PHACTR1: variants seen among roughly 807,000 people sequenced by gnomAD.
PHACTR1 encodes the protein RPEL repeat containing 1.
Under a neutral mutation model 69.2 loss-of-function variants are expected in PHACTR1, and 16 were observed. The ratio of observed to expected loss-of-function variants is 0.23; its 90% CI spans 0.16 to 0.35. The LOEUF is 0.35. Ranked by LOEUF, PHACTR1 falls within the 10% of genes least tolerant of loss-of-function variation. The pLI, the probability that PHACTR1 is intolerant of heterozygous loss-of-function variation, is 1.00. For synonymous variants in PHACTR1, 312 were observed against 284.5 expected (o/e 1.10, Z -0.97); for missense variants, 510 against 734.7 (o/e 0.69, Z 3.54).
At chr6:12,998,525 G>A (rs1054875920) in intron 4 of PHACTR1, among the ~76,000 whole-genome samples, 1 of 151,298 alleles carries the variant, frequency 6.6e-6, no homozygotes, top group African/African-American at 2.4e-5. Flanking sequence ...GCTGAGGCAA[G>A]AGGTTGTCTG....
chr6:13,166,167 C>T (rs1342449643), intron 6 of PHACTR1, among the ~76,000 whole-genome samples: 1 of 152,178 alleles, frequency 6.6e-6, no homozygotes. Context: ...TCTTTCCAGC[C>T]TTGGCTGAGG....
At chr6:12,806,285 T>A (rs748684185) in intron 4 of PHACTR1, among the ~76,000 whole-genome samples, 7 of 152,204 alleles carry the variant, frequency 4.6e-5, no homozygotes, top group Non-Finnish European at 8.8e-5. Context: ...ATCAGCACCA[T>A]CTTTGTCATC....
chr6:13,171,828 G>A (rs752840995), intron 6 of PHACTR1, among the ~76,000 whole-genome samples: 16 of 151,998 alleles, frequency 1.1e-4, no homozygotes, highest in South Asian at 2.1e-4. Flanking sequence ...ATGCAATGGC[G>A]CAATCTCGGC....
intron 4 of PHACTR1, among the ~76,000 whole-genome samples, chr6:12,766,711 C>A (rs984568794): frequency 4.6e-5 from 7 of 152,184 alleles, no homozygotes; most frequent in Admixed American, 3.9e-4. Context: ...GACATACTGT[C>A]AGCACTATCT....
chr6:13,110,864 T>C (rs1816923770), intron 5 of PHACTR1, among the ~76,000 whole-genome samples: 1 of 152,224 alleles, frequency 6.6e-6, no homozygotes, highest in South Asian at 2.1e-4. Context: ...GTATCATGGC[T>C]GGAAGCTGAA....
In PHACTR1 at chr6:12,944,782, TATTTA is replaced by T. The variant is rs1247663242; in HGVS notation, c.251-108582_251-108578del. Among the ~76,000 whole-genome samples the T allele has an allele frequency of 9.6e-4, 117 of 121,824 alleles. 3 individuals are homozygous for T. In the East Asian group the frequency reaches 0.019, roughly 20 times the overall value. The allele number at this position is 121,824 out of a possible 152,430, so 79.9% of individuals were successfully genotyped here. A position where few individuals can be genotyped will look rare whatever the true frequency, so the allele number is the denominator to read the frequency against. On this transcript the variant is annotated intron_variant, in intron 4 of 14. Coordinates refer to ENST00000332995, the MANE Select transcript of PHACTR1 (RefSeq NM_030948.6). Reference sequence around the variant, plus strand: ...ATTTATTTATTTATTTATTTATTTTTATTTATTTTTTTTTTTTTGAGACGGAGTCT... The same window carrying T: ...ATTTATTTATTTATTTATTTATTTTTTTTTTTTTTTTTTGAGACGGAGTCT...
intron 4 of PHACTR1, among the ~76,000 whole-genome samples, chr6:13,023,448 C>A (rs1276482293): frequency 6.6e-6 from 1 of 152,160 alleles, no homozygotes; most frequent in African/African-American, 2.4e-5. Context: ...TTTGCCTCCA[C>A]GGTAATTATT....
At chr6:12,904,459 G>A (rs1245480871) in intron 4 of PHACTR1, among the ~76,000 whole-genome samples, 9 of 151,690 alleles carry the variant, frequency 5.9e-5, no homozygotes, top group East Asian at 1.9e-4. Flanking sequence ...GCTTGAACCC[G>A]GGAGGCGGAG....
At chr6:13,029,905 TGACA>T (rs1802215639) in intron 4 of PHACTR1, among the ~76,000 whole-genome samples, 1 of 152,184 alleles carries the variant, frequency 6.6e-6, no homozygotes, top group Non-Finnish European at 1.5e-5. Context: ...CTCTCAAGTG[TGACA>T]GACAGAACAG....
chr6:13,220,803 G>A (rs1319767466), intron 8 of PHACTR1, among the ~76,000 whole-genome samples: 1 of 152,232 alleles, frequency 6.6e-6, no homozygotes, highest in Non-Finnish European at 1.5e-5. Context: ...AAAATGTAAT[G>A]TGGTGTATTC....
chr6:13,230,795 C>T (rs12660577), intron 10 of PHACTR1, among the ~76,000 whole-genome samples: 21,299 of 151,520 alleles, frequency 0.14, 2,211 homozygotes, highest in African/African-American at 0.26. Context: ...AGTGGGCAGA[C>T]TGTTTGAGCC....
intron 6 of PHACTR1, among the ~76,000 whole-genome samples, chr6:13,174,554 CATG>C (rs954736093): frequency 2.6e-5 from 4 of 152,206 alleles, no homozygotes; most frequent in African/African-American, 9.7e-5. Flanking sequence ...GCCATGGTTT[CATG>C]ATGTTCATTA....
At chr6:12,971,107 C>A (rs534326526) in intron 4 of PHACTR1, among the ~76,000 whole-genome samples, 1 of 152,170 alleles carries the variant, frequency 6.6e-6, no homozygotes, top group Non-Finnish European at 1.5e-5. Context: ...TGAGACCTTG[C>A]GTGCTCTGAC....
chr6:12,767,678 G>T (rs1379774612), intron 4 of PHACTR1, among the ~76,000 whole-genome samples: 1 of 152,114 alleles, frequency 6.6e-6, no homozygotes, highest in African/African-American at 2.4e-5. Flanking sequence ...ATGGTGTAGG[G>T]TAATACATGA....
At chr6:12,779,323 A>C (rs1770513435) in intron 4 of PHACTR1, among the ~76,000 whole-genome samples, 1 of 152,198 alleles carries the variant, frequency 6.6e-6, no homozygotes, top group African/African-American at 2.4e-5. Context: ...CAACAAGAGC[A>C]AAACTCCATC....
intron 10 of PHACTR1, among the ~76,000 whole-genome samples, chr6:13,233,172 T>G (rs1771490906): frequency 6.6e-6 from 1 of 152,236 alleles, no homozygotes; most frequent in African/African-American, 2.4e-5. Flanking sequence ...CAGCCTCTCC[T>G]GCCTGAATAC....
intron 10 of PHACTR1, among the ~76,000 whole-genome samples, chr6:13,253,545 C>T (rs1774779126): frequency 6.6e-6 from 1 of 152,176 alleles, no homozygotes; most frequent in Non-Finnish European, 1.5e-5. Context: ...GTCCTTGCCC[C>T]ACAGTTCTGT....
rs185763471 is a variant in PHACTR1 at position 13,226,762 on chromosome 6, G to A, written c.987-1054G>A. Among the ~76,000 whole-genome samples the A allele has an allele frequency of 5.7e-3, 797 of 140,820 alleles. 13 individuals are homozygous for A. Among genetic ancestry groups the A allele is most frequent in the African/African-American group, 0.02 (763 of 37,596 alleles). The allele number at this position is 140,820 out of a possible 152,430, so 92.4% of individuals were successfully genotyped here. ...AGATTTTTTTTTTTTTTTTTGAGAT[G>A]GAGTCTCGCTCTGTTGCCAGGCTGG... On this transcript the variant is annotated intron_variant, in intron 8 of 14. Coordinates refer to ENST00000332995, the MANE Select transcript of PHACTR1 (RefSeq NM_030948.6).
intron 4 of PHACTR1, among the ~76,000 whole-genome samples, chr6:12,831,828 A>G (rs759557157): frequency 1.5e-4 from 23 of 152,200 alleles, no homozygotes; most frequent in Non-Finnish European, 3.4e-4. Context: ...TGGTCTTTTC[A>G]GACACACACA....
Sources: gnomAD v4.1 joint callset for allele counts (sites outside exome capture counted in the v4.1 genomes callset) on GRCh38, gnomAD v4.1.1 for gene constraint, MANE v1.5 for transcripts, NCBI Gene and HGNC (gene_info 2026-07-23, HGNC 2026-07-21) for gene names.